The following LAMB4 variants were observed in gnomAD, a reference collection of about 807,000 sequenced individuals.
LAMB4 encodes the protein laminin subunit beta-4.
LAMB4 carries 196 observed loss-of-function variants against 199.2 expected under a neutral mutation model. That is an observed-to-expected ratio of 0.98 (90% CI 0.88 to 1.11). The LOEUF (loss-of-function observed/expected upper bound fraction) is 1.11. Ranked by LOEUF, LAMB4 falls within the 50% of genes least tolerant of loss-of-function variation. The pLI, the probability that LAMB4 is intolerant of heterozygous loss-of-function variation, is 0.00. For synonymous variants in LAMB4, 744 were observed against 770.6 expected (o/e 0.97, Z 0.57); for missense variants, 2,080 against 2,171.2 (o/e 0.96, Z 0.83).
In LAMB4 at chr7:108,080,849, T is replaced by C. The variant is rs549004435; in HGVS notation, c.1702-1063A>G. Among the ~76,000 whole-genome samples, 102 of 149,646 alleles carry C rather than the reference T, an allele frequency of 6.8e-4. 3 individuals are homozygous for C. The South Asian group carries it at 0.02, about 30-fold the overall frequency. On this transcript the variant is annotated intron_variant, in intron 14 of 33. Transcript: ENST00000388781. ...AAAAAAAACCCCTTGTAAGGCTGGGTGCGGTGGCTCAGGCCTGTAATCCCA... is the reference window on the plus strand; with the variant it reads ...AAAAAAAACCCCTTGTAAGGCTGGGCGCGGTGGCTCAGGCCTGTAATCCCA...
rs566940233 is a variant in LAMB4, at chr7:108,073,892, C to T, written c.2124+3052G>A. 1.6e-3 allele frequency among the ~76,000 whole-genome samples: 248 copies of T among 152,314 alleles called. 2 individuals are homozygous for T. The highest frequency in any genetic ancestry group is 5.8e-3 in the African/African-American group (243 of 41,568). ...GCTCCTTAAGGCTCACAGCTGTTCC[C>T]TTCTTCAGAAAACTGCACTCAGCCA... On this transcript the variant is annotated intron_variant, in intron 17 of 33. Transcript: ENST00000388781.
intron 23 of LAMB4, 68 bp downstream of exon 23, chr7:108,062,706 A>T (rs1371190657): frequency 1.1e-6 from 1 of 917,298 alleles, no homozygotes; most frequent in Admixed American, 3.9e-5. Context: ...CTTTCTTTAC[A>T]CATTTAGAAA....
chr7:108,125,472 G>T (rs992679713), intron 1 of LAMB4, among the ~76,000 whole-genome samples: 2 of 152,174 alleles, frequency 1.3e-5, no homozygotes, highest in African/African-American at 2.4e-5. Context: ...TATAACCAAA[G>T]AAACTGAATT....
At chr7:108,064,063 G>C (rs2036257032) in intron 21 of LAMB4, 78 bp from the exon 22 acceptor site, 7 of 1,001,508 alleles carry the variant, frequency 7.0e-6, no homozygotes, top group Non-Finnish European at 1.1e-5. Flanking sequence ...GTTGTAAATA[G>C]AAAATTATTG....
rs2038822982 is a variant in LAMB4, at chr7:108,127,186, TG to T, written c.-34+3119del. ...TTAAAATCACCAGGGTTTTTTTTTT[TG>T]TGTTTTTTTTTTTTTTTTGAATCCT... On this transcript the variant is annotated intron_variant, in intron 1 of 33. Coordinates refer to ENST00000388781, the MANE Select transcript of LAMB4 (RefSeq NM_007356.3). 4.4e-5 allele frequency among the ~76,000 whole-genome samples: 3 copies of T among 67,440 alleles called. No homozygotes were observed. The South Asian group carries it at 1.5e-3, about 34-fold the overall frequency. 44.2% of individuals were successfully genotyped at this position (67,440 alleles called of 152,430 possible). A position where few individuals can be genotyped will look rare whatever the true frequency, so the allele number is the denominator to read the frequency against.
chr7:108,048,328 C>T (rs546966195), intron 27 of LAMB4, among the ~76,000 whole-genome samples: 38 of 152,138 alleles, frequency 2.5e-4, no homozygotes, highest in Admixed American at 7.8e-4. Flanking sequence ...CCACGCCTGG[C>T]TAATTTTTTG....
intron 29 of LAMB4, among the ~76,000 whole-genome samples, chr7:108,040,888 A>G (rs543035532): frequency 2.8e-4 from 43 of 152,348 alleles, no homozygotes; most frequent in African/African-American, 9.1e-4. Flanking sequence ...AGCGACTACA[A>G]CAAAAGCAAA....
the LAMB4 span, among the ~76,000 whole-genome samples, chr7:108,016,484 A>G: frequency 6.6e-6 from 1 of 152,024 alleles, no homozygotes; most frequent in Admixed American, 6.6e-5. Flanking sequence ...GCGTTTCACC[A>G]TATCGGCCAG....
downstream of LAMB4, among the ~76,000 whole-genome samples, chr7:108,021,566 G>A (rs1459363609): frequency 1.3e-5 from 2 of 152,016 alleles, no homozygotes; most frequent in East Asian, 1.9e-4. Flanking sequence ...AAAATTAGCC[G>A]GGCGTGGTGG....
intron 25 of LAMB4, among the ~76,000 whole-genome samples, chr7:108,055,187 GTTT>G (rs371917253): frequency 0.15 from 21,408 of 138,462 alleles, 4,579 homozygotes; most frequent in African/African-American, 0.48. Flanking sequence ...ATTTCCAGCT[GTTT>G]TTTTTTTTTT....
chr7:108,090,310 T>G (rs982537777), intron 14 of LAMB4, among the ~76,000 whole-genome samples: 2 of 152,190 alleles, frequency 1.3e-5, no homozygotes, highest in East Asian at 3.8e-4. Flanking sequence ...AGAACGAAAA[T>G]TATTCACATT....
rs920659759 is a variant in LAMB4, at chr7:108,118,287, C to T, written c.35-2126G>A. Among the ~76,000 whole-genome samples, 6 of 151,806 alleles carry T rather than the reference C, an allele frequency of 4.0e-5. No individual in the cohort carries two copies. The East Asian group carries it at 1.2e-3, about 29-fold the overall frequency. On this transcript the variant is annotated intron_variant, in intron 2 of 33. Transcript: ENST00000388781. The stretch of plus-strand genomic sequence containing the variant: ...GATAATTTTGTAGATGTAAAATAGC[C>T]TCTAGATGGAAGGGCAGAGGACCTA...
chr7:108,128,854 A>G (rs1197028263), intron 1 of LAMB4, among the ~76,000 whole-genome samples: 1 of 152,308 alleles, frequency 6.6e-6, no homozygotes, highest in East Asian at 1.9e-4. Context: ...AGTGAGTTTT[A>G]GTAATATATG....
chr7:108,126,550 CTTTCT>C (rs2038786933), intron 1 of LAMB4, among the ~76,000 whole-genome samples: 2 of 45,458 alleles, frequency 4.4e-5, no homozygotes, highest in Admixed American at 2.9e-4. Flanking sequence ...GTCAGAATTT[CTTTCT>C]TTTTTTTTTT....
chr7:108,022,127 G>A (rs2034707282), downstream of LAMB4, among the ~76,000 whole-genome samples: 1 of 152,178 alleles, frequency 6.6e-6, no homozygotes, highest in South Asian at 2.1e-4. Context: ...CTGATGCATA[G>A]TTGTCCTTAG....
At chr7:108,086,543 CCT>C in intron 14 of LAMB4, among the ~76,000 whole-genome samples, 1 of 152,182 alleles carries the variant, frequency 6.6e-6, no homozygotes, top group South Asian at 2.1e-4. Flanking sequence ...GGTCCCATGG[CCT>C]ACTTATTAAC....
chr7:108,023,194 T>C (rs182046091), downstream of LAMB4, among the ~76,000 whole-genome samples: 1 of 152,350 alleles, frequency 6.6e-6, no homozygotes, highest in East Asian at 1.9e-4. Flanking sequence ...TGTTGATGTA[T>C]ATTATTTCTT....
intron 5 of LAMB4, among the ~76,000 whole-genome samples, chr7:108,108,305 C>A (rs370262464): frequency 3.7e-4 from 57 of 152,170 alleles, no homozygotes; most frequent in African/African-American, 1.3e-3. Context: ...CACACTTTGT[C>A]CTCATAATCT....
At chr7:108,093,630 A>G (rs2037492130) in intron 12 of LAMB4, among the ~76,000 whole-genome samples, 2 of 152,208 alleles carry the variant, frequency 1.3e-5, no homozygotes, top group African/African-American at 4.8e-5. Flanking sequence ...CAAAATAAAC[A>G]GCTGGTGAGA....
Sources: gnomAD v4.1 joint callset for allele counts (sites outside exome capture counted in the v4.1 genomes callset) on GRCh38, gnomAD v4.1.1 for gene constraint, MANE v1.5 for transcripts, NCBI Gene and HGNC (gene_info 2026-07-23, HGNC 2026-07-21) for gene names.